MACROD2: variants seen among roughly 807,000 people sequenced by gnomAD.
MACROD2 encodes the protein mono-ADP ribosylhydrolase 2.
MACROD2 carries 36 observed loss-of-function variants against 70.4 expected under a neutral mutation model. The ratio of observed to expected loss-of-function variants is 0.51; its 90% confidence interval spans 0.39 to 0.68. The LOEUF is 0.68. MACROD2 is among the 30% of genes least tolerant of loss of function. The pLI is 0.00. For synonymous variants in MACROD2, 172 were observed against 178.8 expected, an observed-to-expected ratio of 0.96 and a Z score of 0.30; for missense variants, 496 against 538.4, an observed-to-expected ratio of 0.92 and a Z score of 0.78.
chr20:15,421,609 A>G (rs1490765012), intron 6 of MACROD2, among the ~76,000 whole-genome samples: 1 of 151,920 alleles, frequency 6.6e-6, no homozygotes, highest in East Asian at 1.9e-4. Context: ...GAACATAAAA[A>G]CCAATGTAAG....
At chr20:15,030,835 T>G (rs1568540183) in intron 5 of MACROD2, among the ~76,000 whole-genome samples, 1 of 152,174 alleles carries the variant, frequency 6.6e-6, no homozygotes, top group Non-Finnish European at 1.5e-5. Context: ...TTCATGATCT[T>G]CATCCCAGAT....
chr20:14,441,908 A>G (rs549360176), intron 3 of MACROD2, among the ~76,000 whole-genome samples: 1 of 151,798 alleles, frequency 6.6e-6, no homozygotes, highest in Admixed American at 6.6e-5. Flanking sequence ...AACACTAGCT[A>G]GACTAGAAAG....
At chr20:15,298,818 C>T (rs2077615257) in intron 6 of MACROD2, among the ~76,000 whole-genome samples, 1 of 152,128 alleles carries the variant, frequency 6.6e-6, no homozygotes, top group Admixed American at 6.6e-5. Flanking sequence ...ATGTTTTGCA[C>T]TCTTCACATA....
At chr20:14,782,579 C>G (rs576684489) in intron 5 of MACROD2, among the ~76,000 whole-genome samples, 4 of 152,064 alleles carry the variant, frequency 2.6e-5, no homozygotes, top group Admixed American at 6.5e-5. Flanking sequence ...ACACCCACAT[C>G]TAATGACTGG....
rs114246260 is a variant in MACROD2 at position 14,695,342 on chromosome 20, C to G, written c.418+10383C>G. On this transcript the variant is annotated intron_variant, in intron 5 of 17. Transcript: ENST00000684519. Reference sequence around the variant, plus strand: ...TCCCTGTTTCTCTCTGTCTTTACCCCTTCTCTTCTCTTATAAGGACACTTG... The same window carrying G: ...TCCCTGTTTCTCTCTGTCTTTACCCGTTCTCTTCTCTTATAAGGACACTTG... 3.0e-3 allele frequency among the ~76,000 whole-genome samples: 464 copies of G among 152,244 alleles called. 1 individual carries two copies. Among genetic ancestry groups the G allele is most frequent in the African/African-American group, 0.011 (442 of 41,538 alleles).
intron 8 of MACROD2, among the ~76,000 whole-genome samples, chr20:15,724,920 T>C (rs1369039759): frequency 1.3e-5 from 2 of 151,758 alleles, no homozygotes; most frequent in East Asian, 1.9e-4. Context: ...ATCTCTACTA[T>C]AAATACAAAA....
intron 6 of MACROD2, among the ~76,000 whole-genome samples, chr20:15,353,878 A>C (rs1273391393): frequency 6.1e-5 from 7 of 115,670 alleles, no homozygotes; most frequent in Admixed American, 3.8e-4. Flanking sequence ...GTGGAGAAAT[A>C]GGAACACTTT....
intron 3 of MACROD2, among the ~76,000 whole-genome samples, chr20:14,258,837 T>C (rs1461949922): frequency 6.6e-6 from 1 of 152,216 alleles, no homozygotes; most frequent in Non-Finnish European, 1.5e-5. Flanking sequence ...TTCTTTAGTG[T>C]TTCAGATCTT....
chr20:14,786,453 C>T (rs1006779145), intron 5 of MACROD2, among the ~76,000 whole-genome samples: 3 of 151,830 alleles, frequency 2.0e-5, no homozygotes, highest in African/African-American at 7.3e-5. Context: ...ACGCAAGTAT[C>T]ATTATTTTTC....
intron 6 of MACROD2, among the ~76,000 whole-genome samples, chr20:15,266,359 C>T (rs1373952969): frequency 6.6e-6 from 1 of 152,164 alleles, no homozygotes; most frequent in African/African-American, 2.4e-5. Flanking sequence ...AAGCCTGGGT[C>T]TTGGTTGCTT....
intron 6 of MACROD2, among the ~76,000 whole-genome samples, chr20:15,390,992 A>G (rs1392864768): frequency 1.3e-5 from 2 of 152,048 alleles, no homozygotes; most frequent in African/African-American, 2.4e-5. Context: ...TGTGGATCCA[A>G]ATATCCCAGG....
chr20:15,158,745 T>C (rs934428296), intron 5 of MACROD2, among the ~76,000 whole-genome samples: 32 of 152,286 alleles, frequency 2.1e-4, no homozygotes, highest in African/African-American at 6.3e-4. Flanking sequence ...GTTTGTCTGT[T>C]TTCCTGAGTC....
chr20:15,068,902 A>G (rs1349110419), intron 5 of MACROD2, among the ~76,000 whole-genome samples: 1 of 152,172 alleles, frequency 6.6e-6, no homozygotes, highest in Non-Finnish European at 1.5e-5. Flanking sequence ...GGGTTGGAAG[A>G]GTTTGGAAGG....
At position 14,274,570 on chromosome 20, in the gene MACROD2, C is replaced by T. The variant is rs558865722; in HGVS notation, c.271+188842C>T. On this transcript the variant is annotated intron_variant, in intron 3 of 17. Coordinates refer to ENST00000684519, the MANE Select transcript of MACROD2 (RefSeq NM_001351661.2). ...GAATGGGCAAAAACTGGAAGCATTC[C>T]CTTTGAAAACTGGCACAAGACAGGG... 1.7e-3 allele frequency among the ~76,000 whole-genome samples: 255 copies of T among 152,180 alleles called. 1 individual carries two copies. Among genetic ancestry groups the T allele is most frequent in the Middle Eastern group, 6.8e-3 (2 of 294 alleles).
Position 14,098,774 on chromosome 20 carries a change from A to G in MACROD2, c.271+13046A>G, listed in dbSNP as rs2054262662. On this transcript the variant is annotated intron_variant, in intron 3 of 17. Coordinates refer to ENST00000684519, the MANE Select transcript of MACROD2 (RefSeq NM_001351661.2). ...TTTTAGGACACAATTAACAGTAACT[A>G]CTTGATTCAGTTTGAAATTTCATCT... 2.0e-5 allele frequency among the ~76,000 whole-genome samples: 3 copies of G among 152,206 alleles called. No individual in the cohort carries two copies. The South Asian group carries it at 6.2e-4, about 31-fold the overall frequency.
rs74552501 is a variant in MACROD2, at chr20:15,310,702, C to T, written c.540+80641C>T. On this transcript the variant is annotated intron_variant, in intron 6 of 17. Transcript: ENST00000684519. ...AATTGAGTTAGATCCTCAGTGATTC[C>T]AAGATCTTGCAGAAACAGAGAAGTC... Among the ~76,000 whole-genome samples the T allele has an allele frequency of 2.0e-4, 30 of 152,130 alleles. No individual in the cohort carries two copies. The East Asian group carries it at 5.8e-3, about 29-fold the overall frequency.
At chr20:14,619,475 GA>G (rs1983694927) in intron 4 of MACROD2, among the ~76,000 whole-genome samples, 1 of 90,854 alleles carries the variant, frequency 1.1e-5, no homozygotes, top group African/African-American at 4.1e-5. Flanking sequence ...AAGGAAGGAG[GA>G]AAGGAAGGAA....
intron 6 of MACROD2, among the ~76,000 whole-genome samples, chr20:15,392,737 G>A (rs1218584350): frequency 1.3e-5 from 2 of 151,312 alleles, no homozygotes; most frequent in Non-Finnish European, 2.9e-5. Context: ...TCTTCCTCCT[G>A]TACTGTTATT....
intron 2 of MACROD2, among the ~76,000 whole-genome samples, chr20:14,008,919 T>A (rs111812457): frequency 0.023 from 3,525 of 152,304 alleles, 55 homozygotes; most frequent in Non-Finnish European, 0.039. Context: ...CCTAGTCATA[T>A]GCAGAAAATT....
Sources: allele counts gnomAD v4.1 joint callset (sites outside exome capture counted in the v4.1 genomes callset), GRCh38; gene constraint gnomAD v4.1.1; transcripts MANE v1.5; gene names NCBI Gene and HGNC (gene_info 2026-07-23, HGNC 2026-07-21).